The following CSMD1 variants were observed in gnomAD, a reference collection of about 807,000 sequenced individuals.
CSMD1 encodes CUB and sushi domain-containing protein 1.
CSMD1 carries 213 observed loss-of-function variants against 417.5 expected under a neutral mutation model. The observed-to-expected ratio is 0.51, with a 90% CI of 0.46 to 0.57. CSMD1 has a LOEUF of 0.57. Among genes scored for constraint, CSMD1 ranks in the 20% least tolerant of loss-of-function variants. The pLI is 0.00. For synonymous variants in CSMD1, 2,862 were observed against 1,736.8 expected (o/e 1.65, Z -16.11); for missense variants, 6,923 against 4,529.7 (o/e 1.53, Z -15.17).
rs144997547 is a variant in CSMD1, at chr8:4,613,048, T to G, written c.302+24294A>C. ...TGTAAGGGGGCTAGAGGAACTTGTT[T>G]TGCATTTGGTGGCTGGTTTTCCCTC... On this transcript the variant is annotated intron_variant, in intron 2 of 69. Coordinates refer to ENST00000635120, the MANE Select transcript of CSMD1 (RefSeq NM_033225.6). Among the ~76,000 whole-genome samples, 6 of 152,288 alleles carry G rather than the reference T, an allele frequency of 3.9e-5. No individual in the cohort carries two copies. The East Asian group carries it at 1.2e-3, about 29-fold the overall frequency.
intron 3 of CSMD1, among the ~76,000 whole-genome samples, chr8:4,223,932 A>G (rs756124459): frequency 1.2e-4 from 18 of 152,168 alleles, no homozygotes; most frequent in South Asian, 6.2e-4. Flanking sequence ...AATAACATCC[A>G]GGGGTCCTTT....
chr8:4,774,954 G>A (rs916935416), intron 1 of CSMD1, among the ~76,000 whole-genome samples: 1 of 152,116 alleles, frequency 6.6e-6, no homozygotes, highest in Admixed American at 6.6e-5. Flanking sequence ...AAAACCTTGA[G>A]CAAATTAAAC....
Position 3,563,442 on chromosome 8 carries a change from TAA to T in CSMD1, c.1344+11501_1344+11502del, listed in dbSNP as rs60108067. On this transcript the variant is annotated intron_variant, in intron 10 of 69. Transcript: ENST00000635120. Reference sequence around the variant, plus strand: ...ATAAAATAGGTAACGTATTAAAAGGTAAAAAAAAAAAAAAAAAAAAAAGGACC... The same window carrying T: ...ATAAAATAGGTAACGTATTAAAAGGTAAAAAAAAAAAAAAAAAAAAGGACC... Among the ~76,000 whole-genome samples, 340 of 62,758 alleles carry T rather than the reference TAA, an allele frequency of 5.4e-3. 1 individual carries two copies. Among genetic ancestry groups the T allele is most frequent in the African/African-American group, 0.019 (317 of 16,824 alleles). 41.2% of individuals were successfully genotyped at this position (62,758 alleles called of 152,430 possible).
intron 2 of CSMD1, among the ~76,000 whole-genome samples, chr8:4,516,921 C>T (rs567073182): frequency 1.3e-5 from 2 of 152,016 alleles, no homozygotes; most frequent in African/African-American, 4.8e-5. Flanking sequence ...ATATGAATCT[C>T]ATGACTCAGA....
At chr8:4,645,797 T>G (rs1206697448) in intron 1 of CSMD1, among the ~76,000 whole-genome samples, 1 of 152,146 alleles carries the variant, frequency 6.6e-6, no homozygotes, top group African/African-American at 2.4e-5. Flanking sequence ...TTTACCCTGT[T>G]GTCCTTTAGA....
At position 3,878,679 on chromosome 8, in the gene CSMD1, T is replaced by A. The variant is rs115250924; in HGVS notation, c.818+119224A>T. ...AATAAGTAGTTTCATATTCAACTAG[T>A]CTGAGTTGCTAGTATGTCTGATGCT... On this transcript the variant is annotated intron_variant, in intron 5 of 69. Coordinates refer to ENST00000635120, the MANE Select transcript of CSMD1 (RefSeq NM_033225.6). Among the ~76,000 whole-genome samples, 1,101 of 152,322 alleles carry A rather than the reference T, an allele frequency of 7.2e-3. 14 individuals are homozygous for A. Among genetic ancestry groups the A allele is most frequent in the African/African-American group, 0.025 (1,046 of 41,562 alleles).
chr8:4,398,210 A>G (rs569656955), intron 3 of CSMD1, among the ~76,000 whole-genome samples: 2 of 152,228 alleles, frequency 1.3e-5, no homozygotes, highest in East Asian at 3.9e-4. Context: ...TAGAAGGATG[A>G]TCTGTAGTAT....
chr8:4,299,267 C>A (rs1295252804), intron 3 of CSMD1, among the ~76,000 whole-genome samples: 1 of 152,104 alleles, frequency 6.6e-6, no homozygotes, highest in Non-Finnish European at 1.5e-5. Context: ...TTAAAACCGT[C>A]GGATAAGATA....
intron 1 of CSMD1, among the ~76,000 whole-genome samples, chr8:4,926,432 T>G (rs139955590): frequency 8.5e-5 from 13 of 152,338 alleles, no homozygotes; most frequent in African/African-American, 2.9e-4. Context: ...CTCTCACACT[T>G]AATACTGGCG....
At chr8:4,790,449 A>G (rs992158806) in intron 1 of CSMD1, among the ~76,000 whole-genome samples, 3 of 152,196 alleles carry the variant, frequency 2.0e-5, no homozygotes, top group African/African-American at 7.2e-5. Context: ...CAAACTACCA[A>G]TAACATTTTC....
intron 9 of CSMD1, among the ~76,000 whole-genome samples, chr8:3,585,346 C>T (rs1800555193): frequency 6.6e-6 from 1 of 152,168 alleles, no homozygotes; most frequent in Non-Finnish European, 1.5e-5. Flanking sequence ...GGTATTCTTA[C>T]ATATGAAGCT....
chr8:4,101,387 A>G (rs994609498), intron 3 of CSMD1, among the ~76,000 whole-genome samples: 1 of 152,084 alleles, frequency 6.6e-6, no homozygotes, highest in Non-Finnish European at 1.5e-5. Context: ...CCTGACAACG[A>G]TCCCACTCAG....
chr8:3,988,255 T>C (rs1814485381), intron 5 of CSMD1, among the ~76,000 whole-genome samples: 1 of 152,146 alleles, frequency 6.6e-6, no homozygotes, highest in Non-Finnish European at 1.5e-5. Flanking sequence ...TTCTGGATCA[T>C]CTCCATCTTG....
At chr8:3,969,806 G>C (rs769710939) in intron 5 of CSMD1, among the ~76,000 whole-genome samples, 12 of 152,182 alleles carry the variant, frequency 7.9e-5, no homozygotes, top group Admixed American at 1.3e-4. Flanking sequence ...CTCCTACCAA[G>C]AGAAAGACGG....
chr8:3,437,236 C>T (rs1442886124), intron 12 of CSMD1, among the ~76,000 whole-genome samples: 1 of 152,130 alleles, frequency 6.6e-6, no homozygotes, highest in African/African-American at 2.4e-5. Flanking sequence ...TTGATGTATC[C>T]TTGTCTAATA....
intron 26 of CSMD1, among the ~76,000 whole-genome samples, chr8:3,236,630 C>A (rs892017091): frequency 5.3e-5 from 8 of 152,194 alleles, no homozygotes; most frequent in African/African-American, 1.7e-4. Flanking sequence ...AACTGCTTTT[C>A]CACTTCAGGC....
intron 25 of CSMD1, among the ~76,000 whole-genome samples, chr8:3,292,476 G>A (rs1803651834): frequency 6.6e-6 from 1 of 152,122 alleles, no homozygotes; most frequent in Non-Finnish European, 1.5e-5. Context: ...CTCTTTGTAG[G>A]TGTCTAAGGA....
At chr8:3,923,901 A>G (rs545364039) in intron 5 of CSMD1, among the ~76,000 whole-genome samples, 14 of 152,296 alleles carry the variant, frequency 9.2e-5, no homozygotes, top group African/African-American at 2.9e-4. Context: ...TTTAAAATAT[A>G]TTGTCCTTTA....
intron 3 of CSMD1, among the ~76,000 whole-genome samples, chr8:4,144,549 G>T (rs866157689): frequency 1.3e-5 from 2 of 150,944 alleles, no homozygotes; most frequent in South Asian, 4.1e-4. Context: ...AATCTGGTTA[G>T]AGTCTCCTAA....
Sources: gnomAD v4.1 joint callset for allele counts (sites outside exome capture counted in the v4.1 genomes callset) on GRCh38, gnomAD v4.1.1 for gene constraint, MANE v1.5 for transcripts, NCBI Gene and HGNC (gene_info 2026-07-23, HGNC 2026-07-21) for gene names.